The following CCN5 variants were observed in gnomAD, a reference collection of about 807,000 sequenced individuals.
The protein encoded by CCN5 is CCN family member 5.
CCN5 carries 17 observed loss-of-function variants against 18.7 expected under a neutral mutation model. The ratio of observed to expected loss-of-function variants is 0.91; its 90% CI spans 0.62 to 1.36. CCN5 has a LOEUF of 1.36. Ranked by LOEUF, CCN5 falls within the 40% of genes most tolerant of loss-of-function variation. CCN5 has a pLI of 0.00. For synonymous variants in CCN5, 135 were observed against 145.2 expected (o/e 0.93, Z 0.50); for missense variants, 367 against 342.9 (o/e 1.07, Z -0.56).
At chr20:44,721,039 G>A (rs1417316533) in intron 2 of CCN5, 2 of 152,196 alleles carry the variant, frequency 1.3e-5, no homozygotes, top group Admixed American at 6.5e-5. Flanking sequence ...TTAGAGAAAT[G>A]CAAAGAGGCA....
chr20:44,716,245 G>A (rs2065859212), intron 1 of CCN5, among the ~76,000 whole-genome samples: 1 of 152,200 alleles, frequency 6.6e-6, no homozygotes, highest in Non-Finnish European at 1.5e-5. Context: ...TCCAGTCTGT[G>A]CCTCCCCAAG....
chr20:44,719,860 G>A (rs113522243), intron 1 of CCN5, 37 bp from the exon 2 acceptor site: 23 of 1,594,214 alleles, frequency 1.4e-5, no homozygotes, highest in Middle Eastern at 2.1e-4. Context: ...TGCCCACCTC[G>A]AAAGCCCGTG....
At chr20:44,715,005 C>G, upstream of CCN5, 1 of 235,480 alleles carries the variant, frequency 4.2e-6, no homozygotes, top group South Asian at 5.7e-5. Flanking sequence ...GGCTAGGACC[C>G]TCTTGGGCTG....
At chr20:44,715,591 GCAGGGCTTC>G in intron 1 of CCN5, 141 bp downstream of exon 1, 1 of 917,382 alleles carries the variant, frequency 1.1e-6, no homozygotes, top group Non-Finnish European at 1.7e-6. Context: ...CCATGCCTAA[GCAGGGCTTC>G]TCTCCCTGGA....
intron 3 of CCN5, 108 bp downstream of exon 3, chr20:44,725,100 C>T: frequency 7.3e-7 from 1 of 1,371,920 alleles, no homozygotes; most frequent in East Asian, 2.7e-5. Context: ...CCCAGGGACA[C>T]ATCAGAAGCT....
chr20:44,720,191 G>A, intron 2 of CCN5, 78 bp downstream of exon 2: 1 of 1,433,704 alleles, frequency 7.0e-7, no homozygotes. Context: ...TCAAAGTGCA[G>A]CCCTCCTCTC....
rs199641604 is a variant in CCN5 at position 44,724,749 on chromosome 20, G to A, written c.289G>A (p.Asp97Asn). Residue 97 changes from aspartate (D) to asparagine (N), a missense_variant, in exon 3 of 4, where the codon GAC becomes AAC. By Grantham distance (23) the Asp-to-Asn change is conservative (BLOSUM62 1). Coordinates refer to ENST00000190983, the MANE Select transcript of CCN5 (RefSeq NM_003881.4). Reference protein sequence around the residue: ...RGALCLLAEDDSSCEVNGRLY... With the variant: ...RGALCLLAEDNSSCEVNGRLY... The stretch of plus-strand genomic sequence containing the variant: ...TTTTTCCTCCGCAGTGGCAGAGGAC[G>A]ACAGCAGCTGTGAGGTGAACGGCCG... The A allele has an allele frequency of 1.2e-6, 2 of 1,612,682 alleles. No homozygotes were observed. The highest frequency in any genetic ancestry group is 4.5e-5 in the East Asian group (2 of 44,882).
At chr20:44,718,739 A>G (rs1279560926) in intron 1 of CCN5, among the ~76,000 whole-genome samples, 1 of 152,124 alleles carries the variant, frequency 6.6e-6, no homozygotes, top group Non-Finnish European at 1.5e-5. Flanking sequence ...GAACACACTG[A>G]CGTGTGCTAA....
At chr20:44,718,300 C>T (rs1050761205) in intron 1 of CCN5, among the ~76,000 whole-genome samples, 3 of 152,014 alleles carry the variant, frequency 2.0e-5, no homozygotes, top group African/African-American at 7.3e-5. Flanking sequence ...GGGCACTGGG[C>T]GGGGCAGAGG....
rs760262105 is a variant in CCN5, at chr20:44,724,823, C to T, written c.363C>T (p.Cys121=). The part of the protein sequence containing the change: ...ETFQPHCSIR[C]RCEDGGFTCV... ...TCCAGCCCCACTGCAGCATCCGCTG[C>T]CGCTGCGAGGACGGCGGCTTCACCT... The change falls in exon 3 of 4, where the codon TGC becomes TGT. Residue 121 remains cysteine (C), a synonymous_variant. Transcript: ENST00000190983. 6.2e-7 allele frequency: 1 copy of T among 1,610,560 alleles called. No individual in the cohort carries two copies. The highest frequency in any genetic ancestry group is 1.1e-5 in the South Asian group (1 of 90,502).
At chr20:44,724,651 C>T in intron 2 of CCN5, 87 bp from the exon 3 acceptor site, 1 of 1,573,400 alleles carries the variant, frequency 6.4e-7, no homozygotes, top group Non-Finnish European at 8.6e-7. Context: ...GAGGCAGCTG[C>T]CTCAGGCAGC....
chr20:44,715,227 GTT>G (rs1168941016), upstream of CCN5: 68 of 556,440 alleles, frequency 1.2e-4, no homozygotes, highest in Non-Finnish European at 1.5e-4. Flanking sequence ...AAGCTAGTGT[GTT>G]TGTGTGTGTG....
At chr20:44,725,049 C>G in intron 3 of CCN5, 57 bp downstream of exon 3, 2 of 1,463,762 alleles carry the variant, frequency 1.4e-6, no homozygotes, top group Admixed American at 2.8e-5. Flanking sequence ...CCAAGGGCCA[C>G]CTAGGGGGTG....
chr20:44,716,364 T>C (rs987098297), intron 1 of CCN5, among the ~76,000 whole-genome samples: 3 of 151,480 alleles, frequency 2.0e-5, no homozygotes, highest in African/African-American at 7.3e-5. Context: ...TCTCACTGTA[T>C]TTTCACGCTC....
At chr20:44,723,750 C>T (rs144383075) in intron 2 of CCN5, 153 of 152,364 alleles carry the variant, frequency 1.0e-3, no homozygotes, top group African/African-American at 3.5e-3. Flanking sequence ...ATGAGTCCCT[C>T]AAGGCAGGAA....
At chr20:44,722,549 C>A (rs1288522649) in intron 2 of CCN5, among the ~76,000 whole-genome samples, 1 of 148,434 alleles carries the variant, frequency 6.7e-6, no homozygotes, top group Admixed American at 6.8e-5. Flanking sequence ...CTCACTGTAA[C>A]CCCATCTCTT....
At chr20:44,715,329 C>T, upstream of CCN5, 1 of 1,533,254 alleles carries the variant, frequency 6.5e-7, no homozygotes, top group Non-Finnish European at 8.8e-7. Context: ...GACCTCACAG[C>T]TGCCGGAACA....
chr20:44,727,015 C>T (rs1339623161), intron 3 of CCN5, 72 bp from the exon 4 acceptor site: 5 of 1,427,140 alleles, frequency 3.5e-6, no homozygotes, highest in South Asian at 1.4e-5. Flanking sequence ...TTGCCGTGGC[C>T]GCTGGCAGGT....
At chr20:44,720,474 T>C (rs1275282466) in intron 2 of CCN5, 1 of 349,602 alleles carries the variant, frequency 2.9e-6, no homozygotes, top group Non-Finnish European at 5.2e-6. Context: ...TTGGGGAAAA[T>C]AAAAGTGCAA....
Sources: allele counts gnomAD v4.1 joint callset (sites outside exome capture counted in the v4.1 genomes callset), GRCh38; gene constraint gnomAD v4.1.1; transcripts MANE v1.5; gene names NCBI Gene and HGNC (gene_info 2026-07-23, HGNC 2026-07-21).